Variants in AGMO observed in about 807,000 individuals in gnomAD.
AGMO encodes glyceryl-ether monooxygenase.
AGMO carries 75 observed loss-of-function variants against 60.2 expected under a neutral mutation model. The ratio of observed to expected loss-of-function variants is 1.25; its 90% CI spans 1.03 to 1.51. The LOEUF is 1.51. AGMO is among the 40% of genes most tolerant of loss of function. The pLI is 0.00. For synonymous variants in AGMO, 261 were observed against 177.1 expected (o/e 1.47, Z -3.76); for missense variants, 763 against 525.5 (o/e 1.45, Z -4.42).
intron 12 of AGMO, among the ~76,000 whole-genome samples, chr7:15,231,628 T>C (rs1038448351): frequency 6.6e-6 from 1 of 152,216 alleles, no homozygotes; most frequent in Non-Finnish European, 1.5e-5. Context: ...ATATGAATGT[T>C]CCATTTTGCA....
intron 12 of AGMO, among the ~76,000 whole-genome samples, chr7:15,255,369 T>G (rs1040189406): frequency 2.0e-5 from 3 of 151,758 alleles, no homozygotes; most frequent in African/African-American, 7.3e-5. Flanking sequence ...ATAAAAAAAG[T>G]TTTTAAAGAA....
chr7:15,449,414 G>A (rs1781798046), intron 3 of AGMO, among the ~76,000 whole-genome samples: 1 of 151,890 alleles, frequency 6.6e-6, no homozygotes, highest in Admixed American at 6.6e-5. Flanking sequence ...CTCTGGTAAA[G>A]GACAGACCAC....
At chr7:15,516,320 T>C (rs1356255666) in intron 3 of AGMO, among the ~76,000 whole-genome samples, 2 of 152,162 alleles carry the variant, frequency 1.3e-5, no homozygotes, top group African/African-American at 2.4e-5. Context: ...ATTTTTTAAA[T>C]GATTCATTTC....
At chr7:15,376,348 T>C (rs1424114050) in intron 10 of AGMO, among the ~76,000 whole-genome samples, 1 of 151,606 alleles carries the variant, frequency 6.6e-6, no homozygotes, top group Admixed American at 6.6e-5. Flanking sequence ...TGGCACTCTC[T>C]GCTGTAAGAG....
At chr7:15,189,182 G>C in the AGMO span, among the ~76,000 whole-genome samples, 1 of 152,072 alleles carries the variant, frequency 6.6e-6, no homozygotes, top group Non-Finnish European at 1.5e-5. Context: ...CCATCAAAAG[G>C]CTTTAAGAAA....
At position 15,285,179 on chromosome 7, in the gene AGMO, G is replaced by A. The variant is rs143553068; in HGVS notation, c.1263+80335C>T. On this transcript the variant is annotated intron_variant, in intron 12 of 12. Transcript: ENST00000342526. Reference sequence around the variant, plus strand: ...CCGAGAACTAAAACAAGGCAAAGATGTCCACTTTCACTACTTCTATTCAAC... The same window carrying A: ...CCGAGAACTAAAACAAGGCAAAGATATCCACTTTCACTACTTCTATTCAAC... 2.8e-4 allele frequency among the ~76,000 whole-genome samples: 43 copies of A among 151,750 alleles called. 1 individual carries two copies. In the South Asian group the frequency reaches 3.8e-3, roughly 13 times the overall value.
intron 8 of AGMO, among the ~76,000 whole-genome samples, chr7:15,387,904 CTTTTTT>C (rs11437914): frequency 2.2e-5 from 3 of 137,646 alleles, no homozygotes; most frequent in Admixed American, 7.3e-5. Flanking sequence ...GACACATTCT[CTTTTTT>C]TTTTTTTTTT....
At chr7:15,442,243 A>T (rs1004424771) in intron 3 of AGMO, among the ~76,000 whole-genome samples, 4 of 151,710 alleles carry the variant, frequency 2.6e-5, no homozygotes, top group African/African-American at 9.7e-5. Context: ...GCATTTAGAA[A>T]CTCTATTATT....
At chr7:15,217,288 T>C (rs1024620100) in intron 12 of AGMO, among the ~76,000 whole-genome samples, 5 of 152,080 alleles carry the variant, frequency 3.3e-5, no homozygotes, top group South Asian at 2.1e-4. Context: ...CCCAGGGATA[T>C]TGACAATCTC....
chr7:15,368,731 G>C (rs1410839374), intron 10 of AGMO, among the ~76,000 whole-genome samples: 1 of 152,126 alleles, frequency 6.6e-6, no homozygotes, highest in African/African-American at 2.4e-5. Context: ...AGCATAAATA[G>C]AAGTTCTAAT....
At chr7:15,282,799 T>G (rs924761644) in intron 12 of AGMO, among the ~76,000 whole-genome samples, 1 of 152,138 alleles carries the variant, frequency 6.6e-6, no homozygotes, top group South Asian at 2.1e-4. Context: ...TTGGGATTTC[T>G]AAAGTTAACA....
downstream of AGMO, among the ~76,000 whole-genome samples, chr7:15,199,627 G>A (rs190572510): frequency 4.6e-5 from 7 of 152,220 alleles, no homozygotes; most frequent in East Asian, 1.2e-3. Context: ...AGGGTCTTGA[G>A]AATGTTTATG....
At chr7:15,149,657 G>T in the AGMO span, among the ~76,000 whole-genome samples, 1 of 152,100 alleles carries the variant, frequency 6.6e-6, no homozygotes, top group Non-Finnish European at 1.5e-5. Flanking sequence ...TCTCTAACCT[G>T]TTCTATTGGT....
intron 3 of AGMO, among the ~76,000 whole-genome samples, chr7:15,472,203 C>A (rs1023447075): frequency 4.0e-5 from 6 of 151,774 alleles, no homozygotes; most frequent in African/African-American, 1.5e-4. Flanking sequence ...TCCTGTCAAC[C>A]TTTGGGTTGA....
intron 12 of AGMO, among the ~76,000 whole-genome samples, chr7:15,341,978 G>A (rs1781863723): frequency 6.6e-6 from 1 of 151,812 alleles, no homozygotes; most frequent in African/African-American, 2.4e-5. Flanking sequence ...GGGATAATGG[G>A]AGTTACAATT....
chr7:15,355,774 T>C (rs1782508830), intron 12 of AGMO, among the ~76,000 whole-genome samples: 3 of 152,106 alleles, frequency 2.0e-5, no homozygotes. Context: ...AATTATTCTG[T>C]GGAAATAAAA....
the AGMO span, among the ~76,000 whole-genome samples, chr7:15,153,192 TTTTC>T: frequency 6.6e-6 from 1 of 152,042 alleles, no homozygotes; most frequent in Non-Finnish European, 1.5e-5. Flanking sequence ...TTGTTTTTTT[TTTTC>T]TTTTCTTGCT....
chr7:15,354,308 A>ACACGCG (rs1782368351), intron 12 of AGMO, among the ~76,000 whole-genome samples: 6 of 101,176 alleles, frequency 5.9e-5, no homozygotes, highest in African/African-American at 3.3e-4. Flanking sequence ...ATATACGTGT[A>ACACGCG]TACACGCGTG....
At chr7:15,505,690 C>G (rs1232808765) in intron 3 of AGMO, among the ~76,000 whole-genome samples, 7 of 151,866 alleles carry the variant, frequency 4.6e-5, no homozygotes, top group African/African-American at 1.7e-4. Context: ...AAAAAACAAA[C>G]TAATGTTAAA....
Sources: gnomAD v4.1 joint callset for allele counts (sites outside exome capture counted in the v4.1 genomes callset) on GRCh38, gnomAD v4.1.1 for gene constraint, MANE v1.5 for transcripts, NCBI Gene and HGNC (gene_info 2026-07-23, HGNC 2026-07-21) for gene names.